The following ARL15 variants were observed in gnomAD, a reference collection of about 807,000 sequenced individuals.
The protein encoded by ARL15 is ARF like GTPase 15.
In ARL15, 19 loss-of-function variants were observed where a neutral mutation model predicts 25.2. The observed-to-expected ratio is 0.75, with a 90% CI of 0.53 to 1.10. The LOEUF is 1.10. Among genes scored for constraint, ARL15 ranks in the 50% least tolerant of loss-of-function variants. The pLI is 0.00. For missense variants in ARL15, 220 were observed against 246.0 expected, an observed-to-expected ratio of 0.89 and a Z score of 0.71; for synonymous variants, 94 against 86.8, an observed-to-expected ratio of 1.08 and a Z score of -0.46.
At chr5:54,050,258 C>G (rs1750664638) in intron 4 of ARL15, among the ~76,000 whole-genome samples, 1 of 152,196 alleles carries the variant, frequency 6.6e-6, no homozygotes, top group African/African-American at 2.4e-5. Flanking sequence ...TTAACTCTTA[C>G]TTATAAACAC....
chr5:54,228,780 T>C (rs1167085470), intron 1 of ARL15, among the ~76,000 whole-genome samples: 1 of 152,168 alleles, frequency 6.6e-6, no homozygotes, highest in Non-Finnish European at 1.5e-5. Flanking sequence ...GTCTCATGGA[T>C]CTCATGTTAA....
chr5:54,163,692 A>T (rs987762305), intron 2 of ARL15, among the ~76,000 whole-genome samples: 1 of 151,958 alleles, frequency 6.6e-6, no homozygotes, highest in Non-Finnish European at 1.5e-5. Flanking sequence ...TACTGGCATA[A>T]GGTTGTTCAT....
chr5:54,309,503 G>A (rs1758842256), intron 1 of ARL15, among the ~76,000 whole-genome samples: 2 of 152,236 alleles, frequency 1.3e-5, no homozygotes, highest in South Asian at 2.1e-4. Context: ...CAAGATGACA[G>A]GAGGGTCAAT....
Position 54,289,268 on chromosome 5 carries a change from G to A in ARL15, c.48+21164C>T, listed in dbSNP as rs562583085. On this transcript the variant is annotated intron_variant, in intron 1 of 4. Transcript: ENST00000504924. ...CCATGCTGGGGACGGAACAGTGAGA[G>A]CAAAGTCCCTGCTCTTATGGAGCCT... 4.8e-3 allele frequency among the ~76,000 whole-genome samples: 726 copies of A among 152,000 alleles called. 5 individuals carry two copies. Among genetic ancestry groups the A allele is most frequent in the Middle Eastern group, 0.021 (6 of 292 alleles).
chr5:53,916,687 T>C (rs1745660324), intron 4 of ARL15, among the ~76,000 whole-genome samples: 1 of 151,960 alleles, frequency 6.6e-6, no homozygotes, highest in Non-Finnish European at 1.5e-5. Flanking sequence ...AAGATAAGGG[T>C]ACAGGGAATC....
chr5:54,220,912 G>A (rs990005990), intron 1 of ARL15, among the ~76,000 whole-genome samples: 2 of 152,048 alleles, frequency 1.3e-5, no homozygotes, highest in Non-Finnish European at 1.5e-5. Context: ...AGTGAAATCA[G>A]TAGACATGTG....
chr5:53,995,581 T>C (rs1580152443), intron 4 of ARL15, among the ~76,000 whole-genome samples: 1 of 152,150 alleles, frequency 6.6e-6, no homozygotes, highest in Admixed American at 6.5e-5. Flanking sequence ...ATAAGCAAAA[T>C]AGCTATAGAT....
intron 1 of ARL15, among the ~76,000 whole-genome samples, chr5:54,211,749 G>A (rs1162770398): frequency 1.3e-5 from 2 of 151,980 alleles, no homozygotes; most frequent in African/African-American, 2.4e-5. Context: ...TGGGATTACA[G>A]GCACGAGCCA....
At position 53,943,416 on chromosome 5, in the gene ARL15, A is replaced by C. The variant is rs555045615; in HGVS notation, c.463-56703T>G. Among the ~76,000 whole-genome samples, 3 of 152,202 alleles carry C rather than the reference A, an allele frequency of 2.0e-5. No homozygotes were observed. The East Asian group carries it at 5.8e-4, about 29-fold the overall frequency. ...ACTGAAGGTTTGAGAGAGGAGGAGAAACTATGAATGAGTCCTTCCCAGAGA... is the reference window on the plus strand; with the variant it reads ...ACTGAAGGTTTGAGAGAGGAGGAGACACTATGAATGAGTCCTTCCCAGAGA... On this transcript the variant is annotated intron_variant, in intron 4 of 4. Coordinates refer to ENST00000504924, the MANE Select transcript of ARL15 (RefSeq NM_019087.3).
intron 4 of ARL15, among the ~76,000 whole-genome samples, chr5:54,060,435 AAAAC>A (rs950230411): frequency 1.9e-4 from 29 of 152,212 alleles, no homozygotes; most frequent in Non-Finnish European, 3.2e-4. Flanking sequence ...ACACTGTATC[AAAAC>A]AAACAAACAA....
intron 4 of ARL15, among the ~76,000 whole-genome samples, chr5:53,940,517 A>C (rs1200341828): frequency 1.3e-5 from 2 of 152,108 alleles, no homozygotes; most frequent in Non-Finnish European, 2.9e-5. Context: ...TATTTGAAGC[A>C]TTTTTCCTCA....
chr5:54,077,504 C>A (rs1487254403), intron 4 of ARL15, among the ~76,000 whole-genome samples: 1 of 152,150 alleles, frequency 6.6e-6, no homozygotes, highest in African/African-American at 2.4e-5. Flanking sequence ...ACCTTCCAAA[C>A]AAGTGTTGAA....
intron 4 of ARL15, among the ~76,000 whole-genome samples, chr5:53,934,589 A>G (rs1312887517): frequency 1.3e-5 from 2 of 152,174 alleles, no homozygotes; most frequent in East Asian, 1.9e-4. Context: ...GCAATAGAAG[A>G]AGGCCTTGAA....
chr5:54,066,600 G>A (rs1365124276), intron 4 of ARL15, among the ~76,000 whole-genome samples: 1 of 152,050 alleles, frequency 6.6e-6, no homozygotes, highest in African/African-American at 2.4e-5. Context: ...GATCCTCAGG[G>A]GACATTTGGT....
intron 4 of ARL15, among the ~76,000 whole-genome samples, chr5:53,914,564 T>C (rs1350095868): frequency 6.6e-6 from 1 of 152,106 alleles, no homozygotes; most frequent in Non-Finnish European, 1.5e-5. Flanking sequence ...ATTTCCCCTC[T>C]CCCCTGCTAG....
chr5:54,080,968 G>A (rs1361056268), intron 4 of ARL15, among the ~76,000 whole-genome samples: 2 of 152,116 alleles, frequency 1.3e-5, no homozygotes, highest in Non-Finnish European at 2.9e-5. Flanking sequence ...TTCACGTAGG[G>A]AAAAAGAGAG....
At chr5:53,967,007 G>A (rs1747588408) in intron 4 of ARL15, among the ~76,000 whole-genome samples, 1 of 152,148 alleles carries the variant, frequency 6.6e-6, no homozygotes, top group Non-Finnish European at 1.5e-5. Context: ...ATGAAAAAAT[G>A]ATACTGCAGG....
At chr5:54,195,157 CTTAG>C in intron 1 of ARL15, among the ~76,000 whole-genome samples, 1 of 152,262 alleles carries the variant, frequency 6.6e-6, no homozygotes, top group South Asian at 2.1e-4. Context: ...TCTCAAAATA[CTTAG>C]TTAATGTTGC....
At chr5:54,050,493 A>C (rs2111985058) in intron 4 of ARL15, among the ~76,000 whole-genome samples, 1 of 152,312 alleles carries the variant, frequency 6.6e-6, no homozygotes, top group South Asian at 2.1e-4. Context: ...TAATCTTGAA[A>C]GTTTCCCACT....
Sources: gnomAD v4.1 joint callset for allele counts (sites outside exome capture counted in the v4.1 genomes callset) on GRCh38, gnomAD v4.1.1 for gene constraint, MANE v1.5 for transcripts, NCBI Gene and HGNC (gene_info 2026-07-23, HGNC 2026-07-21) for gene names.